ZNF888: variants seen among roughly 807,000 people sequenced by gnomAD.
ZNF888 encodes the protein zinc finger protein 888.
Under a neutral mutation model 7.2 loss-of-function variants are expected in ZNF888, and 5 were observed. The ratio of observed to expected loss-of-function variants is 0.70; its 90% CI spans 0.36 to 1.46. The LOEUF is 1.46. Ranked by LOEUF, ZNF888 falls within the 40% of genes most tolerant of loss-of-function variation. The pLI, the probability that ZNF888 is intolerant of heterozygous loss-of-function variation, is 0.03. For synonymous variants in ZNF888, 240 were observed against 284.3 expected (o/e 0.84, Z 1.57); for missense variants, 716 against 858.0 (o/e 0.83, Z 2.07).
rs2064623150 is a variant in ZNF888 at position 52,907,372 on chromosome 19, T to G, written c.950A>C (p.Lys317Thr). Residue 317 changes from lysine (K) to threonine (T), a missense_variant, in exon 5 of 5, where the codon AAG becomes ACG. Physicochemically the swap from Lys to Thr is moderately conservative, Grantham distance 78. Transcript: ENST00000638862. ...FSDKSALLVH[K>T]TIHTGEKPYK... ...AGGTTTCTCTCCAGTATGAATTGTCTTGTGAACTAAGAGGGCTGACTTGTC... is the reference window on the plus strand; with the variant it reads ...AGGTTTCTCTCCAGTATGAATTGTCGTGTGAACTAAGAGGGCTGACTTGTC... The G allele has an allele frequency of 6.2e-7, 1 of 1,613,364 alleles. No individual in the cohort carries two copies.
At chr19:52,915,675 C>T (rs1479659590) in intron 3 of ZNF888, among the ~76,000 whole-genome samples, 1 of 152,030 alleles carries the variant, frequency 6.6e-6, no homozygotes, top group Non-Finnish European at 1.5e-5. Flanking sequence ...TGGGGTTTCA[C>T]CATGTTGGCC....
At position 52,905,981 on chromosome 19, in the gene ZNF888, T is replaced by C. The variant is rs993790012; in HGVS notation, c.*184A>G. On this transcript the variant is annotated 3_prime_UTR_variant, in exon 5 of 5. Coordinates refer to ENST00000638862, the MANE Select transcript of ZNF888 (RefSeq NM_001393938.1). ...TAGGATGAAGCTTGACTGAAGACCT[T>C]GCCTCAATCATGACATTTGTAAGGT... 19 of 962,792 alleles carry C rather than the reference T, an allele frequency of 2.0e-5. No homozygotes were observed. In the African/African-American group the frequency reaches 2.8e-4, roughly 14 times the overall value. 59.6% of individuals were successfully genotyped at this position (962,792 alleles called of 1,614,324 possible). A position where few individuals can be genotyped will look rare whatever the true frequency, so the allele number is the denominator to read the frequency against.
intron 1 of ZNF888, among the ~76,000 whole-genome samples, chr19:52,920,517 G>GGAAAAAAAAAA (rs2064813371): frequency 1.1e-4 from 2 of 17,406 alleles, no homozygotes; most frequent in Non-Finnish European, 2.1e-4. Context: ...AAAAAAAAAA[G>GGAAAAAAAAAA]AAAAAAAAAG....
chr19:52,922,857 G>A (rs754552589), intron 1 of ZNF888, among the ~76,000 whole-genome samples: 132 of 152,166 alleles, frequency 8.7e-4, no homozygotes, highest in Admixed American at 2.4e-3. Context: ...CTCAGGGAAA[G>A]CGGTGACTGC....
At chr19:52,910,145 G>A (rs377368212) in intron 4 of ZNF888, among the ~76,000 whole-genome samples, 5 of 102,628 alleles carry the variant, frequency 4.9e-5, no homozygotes, top group East Asian at 3.2e-4. Context: ...GCGAGACTTC[G>A]TCTCAAAAAA....
chr19:52,921,670 A>T, intron 1 of ZNF888: 1 of 984,748 alleles, frequency 1.0e-6, no homozygotes, highest in Non-Finnish European at 1.2e-6. Flanking sequence ...ACACACAGCT[A>T]TTGACCTTGA....
rs978461150 is a variant in ZNF888 at position 52,906,049 on chromosome 19, C to T, written c.*116G>A. On this transcript the variant is annotated 3_prime_UTR_variant, in exon 5 of 5. Transcript: ENST00000638862. ...TCACCCATGAACTACAGCGTATGAACGATGTCTGAAAAATTTGCCACATTT... is the reference window on the plus strand; with the variant it reads ...TCACCCATGAACTACAGCGTATGAATGATGTCTGAAAAATTTGCCACATTT... 21 of 1,455,026 alleles carry T rather than the reference C, an allele frequency of 1.4e-5. No homozygotes were observed. The highest frequency in any genetic ancestry group is 4.6e-5 in the East Asian group (2 of 43,944). 90.1% of individuals were successfully genotyped at this position (1,455,026 alleles called of 1,614,324 possible).
rs1179368355 is a variant in ZNF888 at position 52,907,311 on chromosome 19, T to C, written c.1011A>G (p.Gln337=). The part of the protein sequence containing the change: ...KCNECGKVFN[Q]QSNLARHHRV... ...TATGATGACGTGCAAGGTTTGATTGTTGATTAAAAACCTTGCCACATTCAT... is the reference window on the plus strand; with the variant it reads ...TATGATGACGTGCAAGGTTTGATTGCTGATTAAAAACCTTGCCACATTCAT... Residue 337 remains glutamine (Q), a synonymous_variant, in exon 5 of 5, where the codon CAA becomes CAG. Transcript: ENST00000638862. The C allele has an allele frequency of 6.2e-7, 1 of 1,613,430 alleles. No individual in the cohort carries two copies. Among genetic ancestry groups the C allele is most frequent in the African/African-American group, 1.3e-5 (1 of 74,778 alleles).
intron 1 of ZNF888, among the ~76,000 whole-genome samples, chr19:52,922,344 C>T (rs2064831416): frequency 6.6e-6 from 1 of 152,026 alleles, no homozygotes; most frequent in African/African-American, 2.4e-5. Context: ...CCCCAGATTT[C>T]CCAGGTGTCC....
intron 4 of ZNF888, among the ~76,000 whole-genome samples, chr19:52,908,767 A>ACCCGGGAG: frequency 6.6e-6 from 1 of 151,154 alleles, no homozygotes; most frequent in Non-Finnish European, 1.5e-5. Context: ...AATCACTTTA[A>ACCCGGGAG]GCCAAGAGGC....
chr19:52,919,774 C>G (rs2064799971), intron 1 of ZNF888, among the ~76,000 whole-genome samples: 1 of 61,116 alleles, frequency 1.6e-5, no homozygotes, highest in Non-Finnish European at 3.8e-5. Flanking sequence ...CCCCGCCGCC[C>G]TGTCTGGGAT....
In ZNF888 at chr19:52,905,584, G is replaced by A; in HGVS notation, c.*581C>T. On this transcript the variant is annotated 3_prime_UTR_variant, in exon 5 of 5. Coordinates refer to ENST00000638862, the MANE Select transcript of ZNF888 (RefSeq NM_001393938.1). ...CCCACCTTGGCCTCCCACAGTGCTA[G>A]CATTACAGGTGTGAGCCACCGCACT... is the stretch of plus-strand genomic sequence containing the variant. 2 of 331,858 alleles carry A rather than the reference G, an allele frequency of 6.0e-6. No homozygotes were observed. 20.6% of individuals were successfully genotyped at this position (331,858 alleles called of 1,614,324 possible). A position where few individuals can be genotyped will look rare whatever the true frequency, so the allele number is the denominator to read the frequency against.
At position 52,907,326 on chromosome 19, in the gene ZNF888, G is replaced by A. The variant is rs1250477318; in HGVS notation, c.996C>T (p.Gly332=). 2 of 1,613,424 alleles carry A rather than the reference G, an allele frequency of 1.2e-6. No homozygotes were observed. The highest frequency in any genetic ancestry group is 1.7e-6 in the Non-Finnish European group (2 of 1,179,810). Residue 332 remains glycine (G), a synonymous_variant, in exon 5 of 5, where the codon GGC becomes GGT. Transcript: ENST00000638862. ...GGTTTGATTGTTGATTAAAAACCTTGCCACATTCATTACACTTGTAAGGTT... is the reference window on the plus strand; with the variant it reads ...GGTTTGATTGTTGATTAAAAACCTTACCACATTCATTACACTTGTAAGGTT... ...GEKPYKCNEC[G]KVFNQQSNLA... is the part of the protein sequence containing the mutation.
chr19:52,917,953 G>A, intron 2 of ZNF888, 22 bp from the exon 3 acceptor site: 2 of 1,604,484 alleles, frequency 1.2e-6, no homozygotes, highest in Non-Finnish European at 1.7e-6. Context: ...AATCATGAAT[G>A]TTAGAAATAT....
At chr19:52,911,744 G>T (rs1395467234) in intron 4 of ZNF888, among the ~76,000 whole-genome samples, 1 of 152,220 alleles carries the variant, frequency 6.6e-6, no homozygotes, top group Non-Finnish European at 1.5e-5. Flanking sequence ...AACAAAGGAA[G>T]TTAAGAGCCT....
At chr19:52,912,337 T>A (rs528253687) in intron 4 of ZNF888, among the ~76,000 whole-genome samples, 5 of 149,436 alleles carry the variant, frequency 3.3e-5, no homozygotes, top group South Asian at 4.3e-4. Context: ...ATGGCCTCTA[T>A]CTCCTGACCT....
At chr19:52,911,225 C>G (rs997500275) in intron 4 of ZNF888, among the ~76,000 whole-genome samples, 1 of 152,124 alleles carries the variant, frequency 6.6e-6, no homozygotes, top group Non-Finnish European at 1.5e-5. Context: ...GTTGTACAGA[C>G]TGGTCTCAAA....
rs2064598777 is a variant in ZNF888 at position 52,905,633 on chromosome 19, C to A, written c.*532G>T. 4 of 389,688 alleles carry A rather than the reference C, an allele frequency of 1.0e-5. No homozygotes were observed. The Admixed American group carries it at 1.5e-4, about 14-fold the overall frequency. 24.1% of individuals were successfully genotyped at this position (389,688 alleles called of 1,614,324 possible). A position where few individuals can be genotyped will look rare whatever the true frequency, so the allele number is the denominator to read the frequency against. On this transcript the variant is annotated 3_prime_UTR_variant, in exon 5 of 5. Coordinates refer to ENST00000638862, the MANE Select transcript of ZNF888 (RefSeq NM_001393938.1). The stretch of plus-strand genomic sequence containing the variant: ...CTCAGCCTAATCCTCTTAACATAAA[C>A]ACTTTAATGTCAATTAATGCTTGAA...
chr19:52,909,871 A>G (rs190534253), intron 4 of ZNF888, among the ~76,000 whole-genome samples: 4 of 152,066 alleles, frequency 2.6e-5, no homozygotes, highest in African/African-American at 9.6e-5. Context: ...AGGAATAAGA[A>G]TTGACTATGG....
Sources: gnomAD v4.1 joint callset for allele counts (sites outside exome capture counted in the v4.1 genomes callset) on GRCh38, gnomAD v4.1.1 for gene constraint, MANE v1.5 for transcripts, NCBI Gene and HGNC (gene_info 2026-07-23, HGNC 2026-07-21) for gene names.